Variants in NMD3 observed in about 807,000 individuals in gnomAD.
NMD3 encodes the protein 60S ribosomal export protein NMD3.
In NMD3, 47 loss-of-function variants were observed where a neutral mutation model predicts 73.1. The ratio of observed to expected loss-of-function variants is 0.64; its 90% CI spans 0.51 to 0.82. The LOEUF (loss-of-function observed/expected upper bound fraction) is 0.82. Among genes scored for constraint, NMD3 ranks in the 40% least tolerant of loss-of-function variants. The probability of loss-of-function intolerance (pLI) is 0.00; values close to 1 mark genes in which losing one functional copy is unlikely to be tolerated. For missense variants in NMD3, 554 were observed against 612.5 expected, an observed-to-expected ratio of 0.90 and a Z score of 1.01; for synonymous variants, 210 against 194.5, an observed-to-expected ratio of 1.08 and a Z score of -0.66.
chr3:161,244,215 A>G (rs1350898350), intron 11 of NMD3, among the ~76,000 whole-genome samples: 1 of 152,128 alleles, frequency 6.6e-6, no homozygotes, highest in Non-Finnish European at 1.5e-5. Context: ...CTGCAGCCTC[A>G]AACTCCTGGG....
At position 161,250,306 on chromosome 3, in the gene NMD3, A is replaced by G; in HGVS notation, c.1361A>G (p.Lys454Arg). ...CTTGAAGAAGATGAGGCAATTCGAA[A>G]AAATGTCAACATTTACAGAGGTTGG... ...EDLEEDEAIR[K>R]NVNIYRDSAI... The change falls in exon 15 of 16, where the codon AAA becomes AGA. Residue 454 changes from lysine (K) to arginine (R), a missense_variant. Physicochemically the swap from Lys to Arg is conservative, Grantham distance 26. Coordinates refer to ENST00000351193, the MANE Select transcript of NMD3 (RefSeq NM_015938.5). 2 of 1,603,604 alleles carry G rather than the reference A, an allele frequency of 1.2e-6. No homozygotes were observed. The highest frequency in any genetic ancestry group is 1.7e-6 in the Non-Finnish European group (2 of 1,170,966).
At chr3:161,231,424 GGAGT>G (rs1258217841) in intron 4 of NMD3, among the ~76,000 whole-genome samples, 1 of 152,156 alleles carries the variant, frequency 6.6e-6, no homozygotes, top group Non-Finnish European at 1.5e-5. Context: ...CTCAAAGAAT[GGAGT>G]GAGAGGTCAG....
intron 5 of NMD3, 85 bp downstream of exon 5, chr3:161,233,564 A>G: frequency 1.4e-6 from 1 of 736,178 alleles, no homozygotes. Flanking sequence ...TATGGCTTGA[A>G]CAGCTTAAAA....
In NMD3 at chr3:161,241,106, T is replaced by G. The variant is rs776903765; in HGVS notation, c.814T>G (p.Cys272Gly). The G allele has an allele frequency of 1.4e-5, 23 of 1,613,380 alleles. No individual in the cohort carries two copies. The East Asian group carries it at 4.9e-4, about 34-fold the overall frequency. ...AAGCCTGGGAAATATGAACCAGATT[T>G]GTGTGTGTATTCGAGTAACCAGTGC... is the stretch of plus-strand genomic sequence containing the variant. ...AQSLGNMNQICVCIRVTSAIH... is the reference protein window; with the variant it reads ...AQSLGNMNQIGVCIRVTSAIH... The change falls in exon 10 of 16, where the codon TGT becomes GGT. Residue 272 changes from cysteine to glycine, a missense_variant. Coordinates refer to ENST00000351193, the MANE Select transcript of NMD3 (RefSeq NM_015938.5).
At chr3:161,246,558 G>A (rs191141245) in intron 12 of NMD3, 110 bp downstream of exon 12, 2 of 453,658 alleles carry the variant, frequency 4.4e-6, no homozygotes, top group East Asian at 3.1e-5. Context: ...AAGATCGAAG[G>A]GTTCTTAGGA....
chr3:161,248,177 C>G (rs1400701435), intron 13 of NMD3, among the ~76,000 whole-genome samples: 2 of 151,834 alleles, frequency 1.3e-5, no homozygotes, highest in Admixed American at 6.6e-5. Context: ...ATCAAAATAC[C>G]TGATATTATC....
intron 4 of NMD3, among the ~76,000 whole-genome samples, chr3:161,228,389 C>T (rs140368297): frequency 7.2e-5 from 11 of 151,976 alleles, no homozygotes; most frequent in South Asian, 2.1e-4. Flanking sequence ...TGGTTTTTTT[C>T]GCTCCCCTCT....
At chr3:161,238,445 G>A (rs1736852035) in intron 8 of NMD3, among the ~76,000 whole-genome samples, 2 of 152,296 alleles carry the variant, frequency 1.3e-5, no homozygotes, top group South Asian at 4.1e-4. Flanking sequence ...TTTGCAGTGG[G>A]CGTTAGTATG....
chr3:161,236,602 T>G (rs1736765625), intron 7 of NMD3, among the ~76,000 whole-genome samples: 2 of 152,136 alleles, frequency 1.3e-5, no homozygotes, highest in Non-Finnish European at 2.9e-5. Flanking sequence ...GTTTTTTCTT[T>G]TAATTGTGGT....
At chr3:161,229,805 CAG>C (rs1350493987) in intron 4 of NMD3, among the ~76,000 whole-genome samples, 1 of 152,054 alleles carries the variant, frequency 6.6e-6, no homozygotes, top group Admixed American at 6.6e-5. Context: ...AGGAGGAAAA[CAG>C]GGTGAGTGTG....
intron 9 of NMD3, 31 bp downstream of exon 9, chr3:161,238,857 G>A: frequency 9.7e-7 from 1 of 1,032,412 alleles, no homozygotes; most frequent in Non-Finnish European, 1.5e-6. Flanking sequence ...ATCCATATCT[G>A]TAAAAGAGTA....
chr3:161,221,958 CTTTTTT>C (rs376329329), intron 1 of NMD3, 30 bp from the exon 2 acceptor site: 10,492 of 866,242 alleles, frequency 0.012, 94 homozygotes, highest in African/African-American at 0.045. Context: ...CCAACATTCT[CTTTTTT>C]TTTTTTTTTT....
Position 161,249,463 on chromosome 3 carries a change from A to G in NMD3, c.1213A>G (p.Lys405Glu). The G allele has an allele frequency of 1.3e-6, 2 of 1,598,806 alleles. No individual in the cohort carries two copies. The highest frequency in any genetic ancestry group is 1.7e-6 in the Non-Finnish European group (2 of 1,172,900). ...AATATTTATCTTGCAGGTATTAATC[A>G]AGAAGAGCTATGACCGGACCAAACG... is the stretch of plus-strand genomic sequence containing the variant. ...SDRVPDVVLI[K>E]KSYDRTKRQR... Residue 405 changes from lysine (K) to glutamate (E), a missense_variant, in exon 14 of 16, where the codon AAG (lysine) becomes GAG (glutamate). Coordinates refer to ENST00000351193, the MANE Select transcript of NMD3 (RefSeq NM_015938.5).
In NMD3 at chr3:161,250,771, T is replaced by G; in HGVS notation, c.1382-9T>G. 6.3e-7 allele frequency: 1 copy of G among 1,575,742 alleles called. No homozygotes were observed. Among genetic ancestry groups the G allele is most frequent in the Non-Finnish European group, 8.7e-7 (1 of 1,149,172 alleles). ...TTGTATTTATTTTATTCTCTTTGTATTTTTTTAGATTCAGCCATCCCTGTG... is the reference window on the plus strand; with the variant it reads ...TTGTATTTATTTTATTCTCTTTGTAGTTTTTTAGATTCAGCCATCCCTGTG... On this transcript the variant is annotated splice_polypyrimidine_tract_variant and intron_variant, in intron 15 of 15. Transcript: ENST00000351193.
intron 3 of NMD3, among the ~76,000 whole-genome samples, chr3:161,225,738 G>GT (rs967705205): frequency 2.0e-5 from 3 of 152,226 alleles, no homozygotes; most frequent in Admixed American, 6.5e-5. Flanking sequence ...TTTTGAGTGT[G>GT]TATCTCTAGA....
chr3:161,227,437 AT>A (rs55825529), intron 4 of NMD3, 94 bp downstream of exon 4: 38,775 of 354,024 alleles, frequency 0.11, 5 homozygotes, highest in South Asian at 0.13. Context: ...TTCAAAAGGA[AT>A]TTTTTTTTTT....
At chr3:161,238,229 C>A in intron 8 of NMD3, 38 bp downstream of exon 8, 1 of 1,247,396 alleles carries the variant, frequency 8.0e-7, no homozygotes, top group Non-Finnish European at 1.1e-6. Context: ...AATCTAAGGA[C>A]TTGGGAATGG....
intron 1 of NMD3, 69 bp downstream of exon 1, chr3:161,221,478 C>T (rs1189306923): frequency 6.6e-6 from 1 of 152,332 alleles, no homozygotes; most frequent in Non-Finnish European, 1.5e-5. Flanking sequence ...GGCGGGCTCC[C>T]CGGCCTCGGG....
intron 14 of NMD3, 22 bp downstream of exon 14, chr3:161,249,582 C>G (rs1560076392): frequency 7.3e-7 from 1 of 1,360,994 alleles, no homozygotes; most frequent in Non-Finnish European, 1.0e-6. Flanking sequence ...CTTTAAATCT[C>G]TTATGTTGTC....
Sources: gnomAD v4.1 joint callset for allele counts (sites outside exome capture counted in the v4.1 genomes callset) on GRCh38, gnomAD v4.1.1 for gene constraint, MANE v1.5 for transcripts, NCBI Gene and HGNC (gene_info 2026-07-23, HGNC 2026-07-21) for gene names.